The following CNTNAP2 variants were observed in gnomAD, a reference collection of about 807,000 sequenced individuals.
CNTNAP2 encodes the protein contactin-associated protein-like 2.
A neutral mutation model predicts 155.2 loss-of-function variants in CNTNAP2; 98 were observed. That is an observed-to-expected ratio of 0.63 (90% confidence interval 0.54 to 0.75). The LOEUF (loss-of-function observed/expected upper bound fraction) is 0.75, where lower values mean the gene tolerates loss of function less well. Among genes scored for constraint, CNTNAP2 ranks in the 30% least tolerant of loss-of-function variants. The pLI, the probability that CNTNAP2 is intolerant of heterozygous loss-of-function variation, is 0.00. For synonymous variants in CNTNAP2, 651 were observed against 631.2 expected (o/e 1.03, Z -0.47); for missense variants, 1,727 against 1,688.1 (o/e 1.02, Z -0.40).
intron 1 of CNTNAP2, among the ~76,000 whole-genome samples, chr7:146,762,678 G>A (rs559971991): frequency 9.9e-4 from 150 of 152,234 alleles, no homozygotes; most frequent in Middle Eastern, 3.4e-3. Context: ...GCCTGTGCCT[G>A]GGTAACTCAT....
intron 21 of CNTNAP2, among the ~76,000 whole-genome samples, chr7:148,276,485 G>A (rs1349600137): frequency 3.9e-5 from 6 of 152,250 alleles, no homozygotes; most frequent in South Asian, 2.1e-4. Context: ...TGCTTCCTGC[G>A]GTACTAACTC....
chr7:146,994,039 T>C (rs1455634730), intron 3 of CNTNAP2, among the ~76,000 whole-genome samples: 1 of 152,158 alleles, frequency 6.6e-6, no homozygotes, highest in Non-Finnish European at 1.5e-5. Context: ...TTTTAGGCAA[T>C]GCAAAGTGGG....
chr7:146,476,096 A>G (rs1247628539), intron 1 of CNTNAP2, among the ~76,000 whole-genome samples: 1 of 152,182 alleles, frequency 6.6e-6, no homozygotes, highest in East Asian at 1.9e-4. Flanking sequence ...CCATTAGGCT[A>G]TCTACTCCTC....
chr7:146,942,392 C>A (rs189525092), intron 3 of CNTNAP2, among the ~76,000 whole-genome samples: 1 of 152,018 alleles, frequency 6.6e-6, no homozygotes, highest in East Asian at 1.9e-4. Flanking sequence ...AATGACATTA[C>A]AGTTATTGAA....
intron 9 of CNTNAP2, among the ~76,000 whole-genome samples, chr7:147,331,274 A>G (rs1360581614): frequency 6.6e-6 from 1 of 152,172 alleles, no homozygotes; most frequent in East Asian, 1.9e-4. Flanking sequence ...GCCAAGGATG[A>G]TAACCAGGAT....
intron 14 of CNTNAP2, among the ~76,000 whole-genome samples, chr7:147,948,017 T>A (rs975421266): frequency 3.9e-5 from 6 of 152,182 alleles, no homozygotes; most frequent in South Asian, 2.1e-4. Context: ...AGAATTTTTT[T>A]AAAATTTACC....
chr7:147,132,221 A>G, intron 7 of CNTNAP2, 24 bp from the exon 8 acceptor site: 2 of 1,613,254 alleles, frequency 1.2e-6, no homozygotes, highest in Non-Finnish European at 1.7e-6. Flanking sequence ...TGTTTTCCTC[A>G]GAGCCTGTCT....
rs1799969159 is a variant in CNTNAP2, at chr7:148,415,653, A to T, written c.*37A>T. On this transcript the variant is annotated 3_prime_UTR_variant, in exon 24 of 24. Transcript: ENST00000361727. ...TTGGCTATGGGATAGGGAGGAGGGA[A>T]TTACTAGGGAGGAGAGAAAGGGACA... is the stretch of plus-strand genomic sequence containing the variant. The T allele has an allele frequency of 1.2e-6, 2 of 1,610,968 alleles. No individual in the cohort carries two copies. Among genetic ancestry groups the T allele is most frequent in the Non-Finnish European group, 8.5e-7 (1 of 1,178,818 alleles).
At chr7:147,555,270 C>A (rs1033318651) in intron 11 of CNTNAP2, among the ~76,000 whole-genome samples, 3 of 152,188 alleles carry the variant, frequency 2.0e-5, no homozygotes, top group African/African-American at 4.8e-5. Flanking sequence ...CTACACTGAA[C>A]AATACCAACC....
chr7:146,368,690 A>G (rs1795188618), intron 1 of CNTNAP2, among the ~76,000 whole-genome samples: 1 of 152,080 alleles, frequency 6.6e-6, no homozygotes, highest in Non-Finnish European at 1.5e-5. Context: ...TGTCCCAGTG[A>G]GTCCTCAGTT....
At chr7:148,344,471 T>C (rs948603022) in intron 21 of CNTNAP2, among the ~76,000 whole-genome samples, 4 of 152,218 alleles carry the variant, frequency 2.6e-5, no homozygotes, top group African/African-American at 9.6e-5. Context: ...TCCCTCATGC[T>C]GTTTTATTTT....
intron 15 of CNTNAP2, among the ~76,000 whole-genome samples, chr7:148,068,718 A>G (rs1803317249): frequency 6.6e-6 from 1 of 152,140 alleles, no homozygotes. Context: ...TACTGTACCT[A>G]ATACCCTGAG....
At chr7:146,795,174 C>T (rs780489456) in intron 2 of CNTNAP2, among the ~76,000 whole-genome samples, 1 of 152,136 alleles carries the variant, frequency 6.6e-6, no homozygotes, top group Non-Finnish European at 1.5e-5. Context: ...CAATCTCTAC[C>T]TTATATAGCT....
intron 18 of CNTNAP2, among the ~76,000 whole-genome samples, chr7:148,206,292 TA>T (rs1795448577): frequency 6.8e-6 from 1 of 148,064 alleles, no homozygotes; most frequent in East Asian, 1.9e-4. Flanking sequence ...TAAATATATT[TA>T]AATTTTTAAT....
intron 1 of CNTNAP2, among the ~76,000 whole-genome samples, chr7:146,509,950 C>G (rs1298477628): frequency 2.6e-5 from 4 of 152,158 alleles, no homozygotes; most frequent in Non-Finnish European, 5.9e-5. Context: ...ATGGCTGTCA[C>G]TGGGTACCAT....
At chr7:146,694,542 C>T (rs1203480945) in intron 1 of CNTNAP2, among the ~76,000 whole-genome samples, 3 of 152,004 alleles carry the variant, frequency 2.0e-5, no homozygotes, top group Non-Finnish European at 4.4e-5. Context: ...TAGGGTAGGT[C>T]CTCTTTCTCA....
At chr7:147,815,144 G>C (rs1798244722) in intron 13 of CNTNAP2, among the ~76,000 whole-genome samples, 1 of 152,100 alleles carries the variant, frequency 6.6e-6, no homozygotes, top group African/African-American at 2.4e-5. Flanking sequence ...TGATAGTGTA[G>C]ACACAATAGC....
chr7:146,385,239 T>C (rs1795443985), intron 1 of CNTNAP2, among the ~76,000 whole-genome samples: 1 of 152,188 alleles, frequency 6.6e-6, no homozygotes, highest in Non-Finnish European at 1.5e-5. Flanking sequence ...GTAATCTTGT[T>C]GCTCTTCCAG....
intron 21 of CNTNAP2, among the ~76,000 whole-genome samples, chr7:148,324,696 G>C (rs1462485398): frequency 6.6e-6 from 1 of 150,730 alleles, no homozygotes; most frequent in Non-Finnish European, 1.5e-5. Context: ...TACCCAGGAG[G>C]CTGAGGCAGG....
Sources: allele counts gnomAD v4.1 joint callset (sites outside exome capture counted in the v4.1 genomes callset), GRCh38; gene constraint gnomAD v4.1.1; transcripts MANE v1.5; gene names NCBI Gene and HGNC (gene_info 2026-07-23, HGNC 2026-07-21).